The following PPP2R1A variants were observed in gnomAD, a reference collection of about 807,000 sequenced individuals.
PPP2R1A encodes protein phosphatase 2 scaffold subunit Aalpha.
A neutral mutation model predicts 67.1 loss-of-function variants in PPP2R1A; 15 were observed. The ratio of observed to expected loss-of-function variants is 0.22; its 90% CI spans 0.15 to 0.34. PPP2R1A has a LOEUF of 0.34. Ranked by LOEUF, PPP2R1A falls within the 10% of genes least tolerant of loss-of-function variation. The pLI is 1.00. For synonymous variants in PPP2R1A, 337 were observed against 325.0 expected (o/e 1.04, Z -0.40); for missense variants, 369 against 775.0 (o/e 0.48, Z 6.22).
Position 52,209,823 on chromosome 19 carries a change from A to G in PPP2R1A, c.271-1437A>G, listed in dbSNP as rs181639325. Among the ~76,000 whole-genome samples the G allele has an allele frequency of 4.7e-4, 71 of 152,364 alleles. 1 individual carries two copies. The highest frequency in any genetic ancestry group is 1.5e-3 in the African/African-American group (63 of 41,592). The stretch of plus-strand genomic sequence containing the variant: ...CTTCAAGGTTCATCCATGTTGTAGC[A>G]TGTGTTACATGAGACTTCTCACATA... On this transcript the variant is annotated intron_variant, in intron 3 of 14. Transcript: ENST00000322088.
At position 52,213,848 on chromosome 19, in the gene PPP2R1A, C is replaced by T. The variant is rs1978402360; in HGVS notation, c.807+738C>T. On this transcript the variant is annotated intron_variant, in intron 6 of 14. Coordinates refer to ENST00000322088, the MANE Select transcript of PPP2R1A (RefSeq NM_014225.6). This position sits in a 1 kb window ranked among gnomAD's most constrained non-coding sequence, Gnocchi z 4.2. Reference sequence around the variant, plus strand: ...AGCCAGGCAGAAAGGGGACAAGACTCCAGGTCTGTGACTCTCAGGACAGTG... The same window carrying T: ...AGCCAGGCAGAAAGGGGACAAGACTTCAGGTCTGTGACTCTCAGGACAGTG... Among the ~76,000 whole-genome samples, 1 of 152,016 alleles carries T rather than the reference C, an allele frequency of 6.6e-6. No homozygotes were observed. Among genetic ancestry groups the T allele is most frequent in the South Asian group, 2.1e-4 (1 of 4,816 alleles).
At position 52,212,085 on chromosome 19, in the gene PPP2R1A, TTTTG is replaced by T. The variant is rs1340427344; in HGVS notation, c.504-589_504-586del. Reference sequence around the variant, plus strand: ...AGACCTGCCTCTTAGTTAAGCAGTTTTTTGTTTGTTTGTTTTTTGAGATAGGATC... The same window carrying T: ...AGACCTGCCTCTTAGTTAAGCAGTTTTTTGTTTGTTTTTTGAGATAGGATC... On this transcript the variant is annotated intron_variant, in intron 4 of 14. Coordinates refer to ENST00000322088, the MANE Select transcript of PPP2R1A (RefSeq NM_014225.6). The surrounding 1 kb of genome is among the most constrained non-coding windows in gnomAD (Gnocchi z 4.1). Among the ~76,000 whole-genome samples, 5 of 152,170 alleles carry T rather than the reference TTTTG, an allele frequency of 3.3e-5. No homozygotes were observed. The highest frequency in any genetic ancestry group is 9.7e-5 in the African/African-American group (4 of 41,444).
chr19:52,190,083 G>A lies in PPP2R1A; in HGVS notation c.-14G>A, dbSNP rs926113353. 2.6e-6 allele frequency: 4 copies of A among 1,549,728 alleles called. No homozygotes were observed. The African/African-American group carries it at 5.5e-5, about 21-fold the overall frequency. Reference sequence around the variant, plus strand: ...GCGCTGGCCGCAGTCTGACAGGAAAGGGACGGAGCCAAGATGGCGGCGGCC... The same window carrying A: ...GCGCTGGCCGCAGTCTGACAGGAAAAGGACGGAGCCAAGATGGCGGCGGCC... On this transcript the variant is annotated 5_prime_UTR_variant, in exon 1 of 15. Coordinates refer to ENST00000322088, the MANE Select transcript of PPP2R1A (RefSeq NM_014225.6).
rs113063878 is a variant in PPP2R1A, at chr19:52,213,159, T to C, written c.807+49T>C. 1.3e-3 allele frequency: 1,955 copies of C among 1,501,840 alleles called. 23 individuals are homozygous for C. In the African/African-American group the frequency reaches 0.024, roughly 18 times the overall value. 93.0% of individuals were successfully genotyped at this position (1,501,840 alleles called of 1,614,324 possible). A position where few individuals can be genotyped will look rare whatever the true frequency, so the allele number is the denominator to read the frequency against. ...GTCCCACTGGTGGGGACACTGACAC[T>C]CTCAGAAGGGAAGCATATAGGAGCT... On this transcript the variant is annotated intron_variant, in intron 6 of 14. Transcript: ENST00000322088. The surrounding 1 kb of genome is among the most constrained non-coding windows in gnomAD (Gnocchi z 4.2).
rs1371332386 is a variant in PPP2R1A at position 52,190,345 on chromosome 19, G to A, written c.78+171G>A. The stretch of plus-strand genomic sequence containing the variant: ...CCGGACTCCTTGAGACGGCGCTCCC[G>A]ATTGGGTGTCGGCCCAGTGGAGGGC... On this transcript the variant is annotated intron_variant, in intron 1 of 14. Transcript: ENST00000322088. The A allele has an allele frequency of 1.3e-5, 10 of 757,320 alleles. No homozygotes were observed. The East Asian group carries it at 2.7e-4, about 21-fold the overall frequency. The allele number at this position is 757,320 out of a possible 1,614,324, so 46.9% of individuals were successfully genotyped here. A position where few individuals can be genotyped will look rare whatever the true frequency, so the allele number is the denominator to read the frequency against.
At chr19:52,204,996 C>T (rs1184348665) in intron 2 of PPP2R1A, among the ~76,000 whole-genome samples, 1 of 152,180 alleles carries the variant, frequency 6.6e-6, no homozygotes, top group Non-Finnish European at 1.5e-5. Flanking sequence ...ATGATAATGA[C>T]TCCTTAAATG....
At chr19:52,214,019 A>T (rs558915808) in intron 6 of PPP2R1A, among the ~76,000 whole-genome samples, 6 of 152,212 alleles carry the variant, frequency 3.9e-5, no homozygotes, top group Middle Eastern at 3.4e-3. Context: ...GGGAAATTTG[A>T]TTATAAAGTG....
Position 52,212,947 on chromosome 19 carries a change from C to G in PPP2R1A, c.652-8C>G, listed in dbSNP as rs997647244. Reference sequence around the variant, plus strand: ...GCTGCCCTCCCACTGTTCCTCTCCTCTCCCTAGGACTCGGTGCGGCTGCTG... The same window carrying G: ...GCTGCCCTCCCACTGTTCCTCTCCTGTCCCTAGGACTCGGTGCGGCTGCTG... On this transcript the variant is annotated splice_polypyrimidine_tract_variant and splice_region_variant and intron_variant, in intron 5 of 14. Transcript: ENST00000322088. This position sits in a 1 kb window ranked among gnomAD's most constrained non-coding sequence, Gnocchi z 4.1. 3 of 1,583,388 alleles carry G rather than the reference C, an allele frequency of 1.9e-6. No individual in the cohort carries two copies. The highest frequency in any genetic ancestry group is 2.6e-6 in the Non-Finnish European group (3 of 1,165,332).
intron 1 of PPP2R1A, chr19:52,201,561 A>T (rs773431805): frequency 5.4e-6 from 1 of 184,810 alleles, no homozygotes; most frequent in South Asian, 1.1e-4. Flanking sequence ...GAAGCGTGTT[A>T]TAAACGTGGC....
intron 9 of PPP2R1A, among the ~76,000 whole-genome samples, chr19:52,217,186 T>A (rs746466943): frequency 6.6e-6 from 1 of 151,828 alleles, no homozygotes; most frequent in Non-Finnish European, 1.5e-5. Flanking sequence ...CAAGACTCTG[T>A]CTCAAAAAAA....
chr19:52,221,299 G>A (rs1434565401), intron 12 of PPP2R1A, among the ~76,000 whole-genome samples, 166 bp downstream of exon 12: 1 of 152,186 alleles, frequency 6.6e-6, no homozygotes, highest in Non-Finnish European at 1.5e-5. Context: ...GCAAGGGGGT[G>A]GGGCTCCCAG....
intron 13 of PPP2R1A, 79 bp from the exon 14 acceptor site, chr19:52,225,638 C>A: frequency 7.5e-7 from 1 of 1,342,220 alleles, no homozygotes; most frequent in Non-Finnish European, 1.1e-6. Flanking sequence ...CACTCTCTTG[C>A]CCAAGAGCCC....
chr19:52,198,839 A>G (rs2089521098), intron 1 of PPP2R1A, among the ~76,000 whole-genome samples: 2 of 152,220 alleles, frequency 1.3e-5, no homozygotes, highest in Non-Finnish European at 2.9e-5. Context: ...GGACGCTGCT[A>G]ACAATACATA....
chr19:52,210,484 CTTTT>C (rs112983236), intron 3 of PPP2R1A, among the ~76,000 whole-genome samples: 9 of 126,954 alleles, frequency 7.1e-5, no homozygotes, highest in African/African-American at 2.1e-4. Flanking sequence ...GTTTTCTCTT[CTTTT>C]TTTTTTTTTT....
chr19:52,201,842 C>A, intron 1 of PPP2R1A, 102 bp from the exon 2 acceptor site: 2 of 1,071,822 alleles, frequency 1.9e-6, no homozygotes, highest in Non-Finnish European at 2.8e-6. Flanking sequence ...TCACATGTAA[C>A]CAAGCAAGGC....
rs1386350660 is a variant in PPP2R1A at position 52,222,146 on chromosome 19, A to G, written c.1566A>G (p.Leu522=). 6.2e-7 allele frequency: 1 copy of G among 1,613,960 alleles called. No homozygotes were observed. The change falls in exon 13 of 15, where the codon CTA becomes CTG. Residue 522 remains leucine (L), a synonymous_variant. Transcript: ENST00000322088. ...AGGACATCACCACCAAGCACATGCTACCCACGGTTCTGCGCATGGCTGGGG... is the reference window on the plus strand; with the variant it reads ...AGGACATCACCACCAAGCACATGCTGCCCACGGTTCTGCGCATGGCTGGGG... The part of the protein sequence containing the change: ...CGQDITTKHM[L]PTVLRMAGDP...
intron 1 of PPP2R1A, among the ~76,000 whole-genome samples, chr19:52,197,010 G>T (rs1191787258): frequency 6.6e-6 from 1 of 152,202 alleles, no homozygotes; most frequent in African/African-American, 2.4e-5. Flanking sequence ...CAGGGGTCAT[G>T]TGTACAGCTG....
At chr19:52,203,087 T>G (rs2089567713) in intron 2 of PPP2R1A, among the ~76,000 whole-genome samples, 1 of 152,230 alleles carries the variant, frequency 6.6e-6, no homozygotes, top group Non-Finnish European at 1.5e-5. Context: ...GTCACTAAAC[T>G]CTTGTGTATG....
chr19:52,216,730 G>C lies in PPP2R1A; in HGVS notation c.1128+67G>C. The C allele has an allele frequency of 1.2e-6, 2 of 1,605,120 alleles. No homozygotes were observed. Among genetic ancestry groups the C allele is most frequent in the Non-Finnish European group, 1.7e-6 (2 of 1,173,194 alleles). On this transcript the variant is annotated intron_variant, in intron 9 of 14. Transcript: ENST00000322088. This position sits in a 1 kb window ranked among gnomAD's most constrained non-coding sequence, Gnocchi z 4.3. ...CAGGCGGGTCTTCCTAGATTGCTAG[G>C]GTTTACCTAGATTGACCAGGAATCT... is the stretch of plus-strand genomic sequence containing the variant.
Sources: allele counts gnomAD v4.1 joint callset (sites outside exome capture counted in the v4.1 genomes callset), GRCh38; gene constraint gnomAD v4.1.1; non-coding constraint Gnocchi (gnomAD v3.1); transcripts MANE v1.5; gene names NCBI Gene and HGNC (gene_info 2026-07-23, HGNC 2026-07-21).